The following TBCK variants were observed in gnomAD, a reference collection of about 807,000 sequenced individuals.
TBCK encodes the protein TBC domain-containing protein kinase-like protein.
A neutral mutation model predicts 113.4 loss-of-function variants in TBCK; 99 were observed. The observed-to-expected ratio is 0.87, with a 90% CI of 0.74 to 1.03. The LOEUF (loss-of-function observed/expected upper bound fraction) is 1.03. Ranked by LOEUF, TBCK falls within the 50% of genes least tolerant of loss-of-function variation. The pLI is 0.00. For synonymous variants in TBCK, 369 were observed against 370.8 expected, an observed-to-expected ratio of 1.00 and a Z score of 0.05; for missense variants, 1,045 against 1,061.3, an observed-to-expected ratio of 0.98 and a Z score of 0.21.
intron 23 of TBCK, among the ~76,000 whole-genome samples, chr4:106,160,025 A>G (rs1749579155): frequency 6.6e-6 from 1 of 152,184 alleles, no homozygotes; most frequent in Non-Finnish European, 1.5e-5. Flanking sequence ...TCAGTGGGGT[A>G]AAGAACAGTC....
intron 20 of TBCK, among the ~76,000 whole-genome samples, chr4:106,203,694 C>T (rs1207436530): frequency 6.6e-6 from 1 of 151,946 alleles, no homozygotes; most frequent in Non-Finnish European, 1.5e-5. Flanking sequence ...CTGAGATCTA[C>T]ATTATCATTT....
rs1759113867 is a variant in TBCK at position 106,233,577 on chromosome 4, C to G, written c.1512+11G>C. 2 of 1,608,152 alleles carry G rather than the reference C, an allele frequency of 1.2e-6. No homozygotes were observed. The highest frequency in any genetic ancestry group is 2.7e-5 in the African/African-American group (2 of 74,660). ...ATTATCTTAGGTTGCTTAAGAAAAC[C>G]TAAATCATACTTGTCTATCTGTAGG... is the stretch of plus-strand genomic sequence containing the variant. On this transcript the variant is annotated intron_variant, in intron 16 of 25. Coordinates refer to ENST00000394708, the MANE Select transcript of TBCK (RefSeq NM_001163435.3).
At position 106,219,705 on chromosome 4, in the gene TBCK, C is replaced by CT. The variant is rs879418628; in HGVS notation, c.1775-6871dup. ...TTAATACATATTTCAATGAGCTCAA[C>CT]TTTTTTTTTTTTAAATATAGACTGG... On this transcript the variant is annotated intron_variant, in intron 19 of 25. Transcript: ENST00000394708. Among the ~76,000 whole-genome samples, 260 of 145,914 alleles carry CT rather than the reference C, an allele frequency of 1.8e-3. 1 individual carries two copies. The highest frequency in any genetic ancestry group is 3.9e-3 in the South Asian group (18 of 4,610).
At chr4:106,237,496 G>A (rs778632407) in intron 12 of TBCK, 29 of 455,740 alleles carry the variant, frequency 6.4e-5, no homozygotes, top group Middle Eastern at 3.2e-4. Context: ...CTTGCCTGCT[G>A]CTCTGCTGTT....
intron 25 of TBCK, among the ~76,000 whole-genome samples, chr4:106,071,158 C>G (rs1327827466): frequency 6.6e-6 from 1 of 152,064 alleles, no homozygotes; most frequent in Non-Finnish European, 1.5e-5. Context: ...TTTGTTTGCT[C>G]TTGCTTCTCT....
chr4:106,181,935 T>C (rs551710446), intron 22 of TBCK, among the ~76,000 whole-genome samples: 1 of 152,194 alleles, frequency 6.6e-6, no homozygotes, highest in Admixed American at 6.5e-5. Flanking sequence ...GGGGATAGCA[T>C]TGAATCTATA....
At position 106,236,383 on chromosome 4, in the gene TBCK, T is replaced by C; in HGVS notation, c.1350+7A>G. 1 of 1,476,456 alleles carries C rather than the reference T, an allele frequency of 6.8e-7. No individual in the cohort carries two copies. Among genetic ancestry groups the C allele is most frequent in the African/African-American group, 1.4e-5 (1 of 69,840 alleles). The allele number at this position is 1,476,456 out of a possible 1,614,324, so 91.5% of individuals were successfully genotyped here. The stretch of plus-strand genomic sequence containing the variant: ...ATTGTTAACACTTTATACTTTAGAA[T>C]CCATACCTTTAGCAGCCTGTCGAAG... On this transcript the variant is annotated splice_region_variant and intron_variant, in intron 14 of 25. Transcript: ENST00000394708.
intron 3 of TBCK, among the ~76,000 whole-genome samples, chr4:106,290,238 C>A (rs1209009401): frequency 6.6e-6 from 1 of 152,080 alleles, no homozygotes; most frequent in Non-Finnish European, 1.5e-5. Context: ...AGTGCAGTGG[C>A]GTGATCTCGG....
chr4:106,213,108 T>A (rs1191788671), intron 19 of TBCK, among the ~76,000 whole-genome samples: 1 of 152,210 alleles, frequency 6.6e-6, no homozygotes. Flanking sequence ...TGTTTTCCTG[T>A]TAAACTCTAC....
At chr4:106,170,555 A>G (rs551970406) in intron 23 of TBCK, among the ~76,000 whole-genome samples, 1 of 152,280 alleles carries the variant, frequency 6.6e-6, no homozygotes, top group African/African-American at 2.4e-5. Flanking sequence ...CAATACATAC[A>G]TATTAACAGA....
chr4:106,168,104 ATCAAAG>A (rs1750599209), intron 23 of TBCK, among the ~76,000 whole-genome samples: 1 of 151,910 alleles, frequency 6.6e-6, no homozygotes, highest in African/African-American at 2.4e-5. Flanking sequence ...ACAAAATATT[ATCAAAG>A]TCAAATCCAA....
chr4:106,222,975 A>G (rs577685905), intron 19 of TBCK, among the ~76,000 whole-genome samples: 1 of 152,240 alleles, frequency 6.6e-6, no homozygotes, highest in East Asian at 1.9e-4. Flanking sequence ...CTAAAAAAAG[A>G]ATCTACAGAT....
rs869091052 is a variant in TBCK, at chr4:106,314,616, ATTTT to A, written c.-30+1311_-30+1314del. 0.011 allele frequency among the ~76,000 whole-genome samples: 1,153 copies of A among 101,916 alleles called. 23 individuals carry two copies. In the East Asian group the frequency reaches 0.11, roughly 10 times the overall value. The allele number at this position is 101,916 out of a possible 152,430, so 66.9% of individuals were successfully genotyped here. A position where few individuals can be genotyped will look rare whatever the true frequency, so the allele number is the denominator to read the frequency against. On this transcript the variant is annotated intron_variant, in intron 1 of 25. Transcript: ENST00000394708. ...CAATCCTACTACGCTATACTACTTG[ATTTT>A]TTTTTTTTTTTTTTTTTTTTTTGAG...
At chr4:106,160,864 C>G (rs1749690944) in intron 23 of TBCK, among the ~76,000 whole-genome samples, 1 of 151,794 alleles carries the variant, frequency 6.6e-6, no homozygotes, top group South Asian at 2.1e-4. Context: ...GGGAGTAACC[C>G]AAGTGTCTAC....
intron 12 of TBCK, among the ~76,000 whole-genome samples, chr4:106,238,967 G>A (rs866725486): frequency 3.0e-4 from 45 of 152,078 alleles, no homozygotes; most frequent in African/African-American, 1.1e-3. Flanking sequence ...ATTAACCTCT[G>A]CAGGTCCCAC....
chr4:106,091,584 G>T (rs972467983), intron 25 of TBCK, among the ~76,000 whole-genome samples: 22 of 152,170 alleles, frequency 1.4e-4, no homozygotes, highest in African/African-American at 5.3e-4. Context: ...GACCTTTGCA[G>T]TGAGTGTTAC....
intron 25 of TBCK, among the ~76,000 whole-genome samples, chr4:106,050,407 T>C (rs1734677891): frequency 6.6e-6 from 1 of 152,006 alleles, no homozygotes; most frequent in Admixed American, 6.6e-5. Context: ...TTTGAGTACA[T>C]GTGAAACATT....
At chr4:106,258,855 C>T (rs1579424573) in intron 5 of TBCK, among the ~76,000 whole-genome samples, 2 of 151,814 alleles carry the variant, frequency 1.3e-5, no homozygotes, top group South Asian at 4.1e-4. Flanking sequence ...TAAAAAACCC[C>T]TTTCATATTC....
At chr4:106,232,914 A>T (rs369918353) in intron 17 of TBCK, 24 bp downstream of exon 17, 29 of 1,601,068 alleles carry the variant, frequency 1.8e-5, no homozygotes, top group Non-Finnish European at 2.5e-5. Flanking sequence ...ACTCCAGAGG[A>T]GTTTTAATGA....
Sources: allele counts gnomAD v4.1 joint callset (sites outside exome capture counted in the v4.1 genomes callset), GRCh38; gene constraint gnomAD v4.1.1; transcripts MANE v1.5; gene names NCBI Gene and HGNC (gene_info 2026-07-23, HGNC 2026-07-21).